Variants in MAGEE2 observed in about 807,000 individuals in gnomAD.
The protein encoded by MAGEE2 is melanoma-associated antigen E2.
For missense variants in MAGEE2, 508 were observed against 391.1 expected, an observed-to-expected ratio of 1.30 and a Z score of -2.52; for synonymous variants, 189 against 155.4, an observed-to-expected ratio of 1.22 and a Z score of -1.61.
rs139464739 is a variant in MAGEE2 at position 75,784,933 on chromosome X, A to G, written c.119T>C (p.Val40Ala). 68 of 1,163,104 alleles carry G rather than the reference A, an allele frequency of 5.8e-5. No homozygotes were observed. The African/African-American group carries it at 1.1e-3, about 19-fold the overall frequency. Residue 40 changes from valine to alanine, a missense_variant, in exon 1 of 1, where the codon GTC becomes GCC. Physicochemically the swap from Val to Ala is moderately conservative, Grantham distance 64 (BLOSUM62 0). Transcript: ENST00000373359. ...NASGSPTSML[V>A]VDAPQCPQAP... ...CTGAGGGCACTGGGGGGCATCAACG[A>G]CTAGCATGGAGGTGGGGGACCCGGA...
In MAGEE2 at chrX:75,783,321, G is replaced by A; in HGVS notation, c.*159C>T. ...AACCTAATCCAAGAGTATATTAAAAGGAAGGAAATACTACTAGAATTGGAA... is the reference window on the plus strand; with the variant it reads ...AACCTAATCCAAGAGTATATTAAAAAGAAGGAAATACTACTAGAATTGGAA... On this transcript the variant is annotated 3_prime_UTR_variant, in exon 1 of 1. Transcript: ENST00000373359. 5.6e-6 allele frequency: 3 copies of A among 536,708 alleles called. No individual in the cohort carries two copies. The highest frequency in any genetic ancestry group is 5.1e-5 in the South Asian group (1 of 19,486). 44.2% of individuals were successfully genotyped at this position (536,708 alleles called of 1,213,427 possible). A position where few individuals can be genotyped will look rare whatever the true frequency, so the allele number is the denominator to read the frequency against.
chrX:75,784,714 T>C lies in MAGEE2; in HGVS notation c.338A>G (p.Glu113Gly). The C allele has an allele frequency of 8.3e-7, 1 of 1,211,279 alleles. No homozygotes were observed. The highest frequency in any genetic ancestry group is 1.1e-6 in the Non-Finnish European group (1 of 895,224). Residue 113 changes from glutamate (E) to glycine (G), a missense_variant, in exon 1 of 1, where the codon GAG becomes GGG. Glu to Gly is a moderately conservative substitution (Grantham distance 98). Transcript: ENST00000373359. ...GTACTCTCTGAGAAACTCCAGCATC[T>C]CGGACTGCTGGATAGACCCCTCCGT... ...SQTEGSIQQS[E>G]MLEFLREYSD... is the part of the protein sequence containing the mutation.
rs191965351 is a variant in MAGEE2, at chrX:75,783,569, A to G, written c.1483T>C (p.Trp495Arg). Residue 495 changes from tryptophan to arginine, a missense_variant, in exon 1 of 1, where the codon TGG becomes CGG. Trp to Arg is a moderately radical substitution (Grantham distance 101). Coordinates refer to ENST00000373359, the MANE Select transcript of MAGEE2 (RefSeq NM_138703.5). ...ARLYRKRPQN[W>R]PEQYREAVED... ...ACAGCCTCCCTATATTGTTCTGGCC[A>G]GTTCTGTGGTCGCTTTCTGTAGAGC... The G allele has an allele frequency of 5.0e-6, 6 of 1,209,738 alleles. No homozygotes were observed. In the East Asian group the frequency reaches 1.8e-4, roughly 36 times the overall value.
Position 75,785,109 on chromosome X carries a change from G to A in MAGEE2, c.-58C>T, listed in dbSNP as rs1331231153. ...TCAGCGATCAGTCGGAGAGAGGACCGCAGCAGTGTTGGTGCCTCGGCACAA... is the reference window on the plus strand; with the variant it reads ...TCAGCGATCAGTCGGAGAGAGGACCACAGCAGTGTTGGTGCCTCGGCACAA... On this transcript the variant is annotated 5_prime_UTR_variant, in exon 1 of 1. Coordinates refer to ENST00000373359, the MANE Select transcript of MAGEE2 (RefSeq NM_138703.5). 15 of 1,068,835 alleles carry A rather than the reference G, an allele frequency of 1.4e-5. No individual in the cohort carries two copies. In the East Asian group the frequency reaches 2.5e-4, roughly 18 times the overall value. The allele number at this position is 1,068,835 out of a possible 1,213,427, so 88.1% of individuals were successfully genotyped here. A position where few individuals can be genotyped will look rare whatever the true frequency, so the allele number is the denominator to read the frequency against.
Position 75,783,718 on chromosome X carries a change from A to G in MAGEE2, c.1334T>C (p.Met445Thr). Residue 445 changes from methionine to threonine, a missense_variant, in exon 1 of 1, where the codon ATG becomes ACG. Transcript: ENST00000373359. ...CCTGCATTCCAGATAGCGCTGTCTC[A>G]TAAGCTTACGGGTGATGGAATGCTT... ...GRKHSITRKL[M>T]RQRYLECRPL... is the part of the protein sequence containing the mutation. The G allele has an allele frequency of 2.5e-6, 3 of 1,212,001 alleles. No homozygotes were observed. The highest frequency in any genetic ancestry group is 3.3e-6 in the Non-Finnish European group (3 of 895,608).
rs561857390 is a variant in MAGEE2 at position 75,783,529 on chromosome X, G to A, written c.1523C>T (p.Ala508Val). 181 of 1,208,326 alleles carry A rather than the reference G, an allele frequency of 1.5e-4. No individual in the cohort carries two copies. The South Asian group carries it at 2.9e-3, about 19-fold the overall frequency. ...QYREAVEDEE[A>V]RAKSEATIMF... ...GATAGTTGCCTCAGATTTGGCTCTGGCCTCCTCATCTTCCACAGCCTCCCT... is the reference window on the plus strand; with the variant it reads ...GATAGTTGCCTCAGATTTGGCTCTGACCTCCTCATCTTCCACAGCCTCCCT... Residue 508 changes from alanine (A) to valine (V), a missense_variant, in exon 1 of 1, where the codon GCC becomes GTC. Physicochemically the swap from Ala to Val is moderately conservative, Grantham distance 64. Coordinates refer to ENST00000373359, the MANE Select transcript of MAGEE2 (RefSeq NM_138703.5).
chrX:75,783,387 T>A lies in MAGEE2; in HGVS notation c.*93A>T. On this transcript the variant is annotated 3_prime_UTR_variant, in exon 1 of 1. Transcript: ENST00000373359. ...CAATTTGTACTTCCCACACAAGCCCTACCTGGATTCTAATTTAGAGCCCCA... is the reference window on the plus strand; with the variant it reads ...CAATTTGTACTTCCCACACAAGCCCAACCTGGATTCTAATTTAGAGCCCCA... 1 of 1,023,738 alleles carries A rather than the reference T, an allele frequency of 9.8e-7. No individual in the cohort carries two copies. Among genetic ancestry groups the A allele is most frequent in the South Asian group, 2.5e-5 (1 of 40,367 alleles). The allele number at this position is 1,023,738 out of a possible 1,213,427, so 84.4% of individuals were successfully genotyped here. A position where few individuals can be genotyped will look rare whatever the true frequency, so the allele number is the denominator to read the frequency against.
rs2087859953 is a variant in MAGEE2, at chrX:75,783,369, T to C, written c.*111A>G. The C allele has an allele frequency of 1.1e-6, 1 of 890,069 alleles. No individual in the cohort carries two copies. The highest frequency in any genetic ancestry group is 2.0e-5 in the African/African-American group (1 of 49,876). 73.4% of individuals were successfully genotyped at this position (890,069 alleles called of 1,213,427 possible). ...GAACACAGACAGCAAGCACAATTTG[T>C]ACTTCCCACACAAGCCCTACCTGGA... On this transcript the variant is annotated 3_prime_UTR_variant, in exon 1 of 1. Coordinates refer to ENST00000373359, the MANE Select transcript of MAGEE2 (RefSeq NM_138703.5).
rs1302578063 is a variant in MAGEE2, at chrX:75,784,189, G to A, written c.863C>T (p.Ala288Val). ...PWSWPEEYNK[A>V]LEGDKTKERS... ...TTCTTTGGTTTTGTCACCTTCCAGG[G>A]CCTTATTATATTCTTCTGGCCAGCT... is the stretch of plus-strand genomic sequence containing the variant. Residue 288 changes from alanine to valine, a missense_variant, in exon 1 of 1, where the codon GCC (alanine) becomes GTC (valine). By Grantham distance (64) the Ala-to-Val change is moderately conservative. Coordinates refer to ENST00000373359, the MANE Select transcript of MAGEE2 (RefSeq NM_138703.5). The A allele has an allele frequency of 8.3e-7, 1 of 1,209,700 alleles. No homozygotes were observed. Among genetic ancestry groups the A allele is most frequent in the East Asian group, 3.0e-5 (1 of 33,745 alleles).
rs199885644 is a variant in MAGEE2, at chrX:75,784,120, A to G, written c.932T>C (p.Met311Thr). The stretch of plus-strand genomic sequence containing the variant: ...GACCAAATCATTTGCCTTATCATTC[A>G]TAGTGTCCTCCGACCAGAACTCTAA... Reference protein sequence around the residue: ...AGLEFWSEDTMNDKANDLVQL... With the variant: ...AGLEFWSEDTTNDKANDLVQL... Residue 311 changes from methionine to threonine, a missense_variant, in exon 1 of 1, where the codon ATG becomes ACG. Physicochemically the swap from Met to Thr is moderately conservative, Grantham distance 81. Coordinates refer to ENST00000373359, the MANE Select transcript of MAGEE2 (RefSeq NM_138703.5). 30 of 1,210,157 alleles carry G rather than the reference A, an allele frequency of 2.5e-5. No individual in the cohort carries two copies. In the East Asian group the frequency reaches 8.3e-4, roughly 33 times the overall value.
chrX:75,785,242 G>A lies in MAGEE2; in HGVS notation c.-191C>T. On this transcript the variant is annotated 5_prime_UTR_variant, in exon 1 of 1. It adds an upstream start codon to the 5' untranslated region. Transcript: ENST00000373359. ...CAGCAACGACTGCAAGCCTCAGAGC[G>A]TTATTTTGCCGCAGCCTACGCAGGC... The A allele has an allele frequency of 2.4e-6, 1 of 421,651 alleles. No homozygotes were observed. Among genetic ancestry groups the A allele is most frequent in the African/African-American group, 2.5e-5 (1 of 39,950 alleles). The allele number at this position is 421,651 out of a possible 1,213,427, so 34.7% of individuals were successfully genotyped here.
Position 75,784,302 on chromosome X carries a change from C to T in MAGEE2, c.750G>A (p.Glu250=), listed in dbSNP as rs1333050071. The change falls in exon 1 of 1, where the codon GAG becomes GAA. Residue 250 remains glutamate (E), a synonymous_variant. Coordinates refer to ENST00000373359, the MANE Select transcript of MAGEE2 (RefSeq NM_138703.5). ...TGTGGGCTCTAGAGCCCCACAAGAA[C>T]TCAAACTCAAGGGGATTAGTGCCAT... ...PVYGTNPLEF[E]FLWGSRAHRE... is the part of the protein sequence containing the mutation. 1 of 1,211,785 alleles carries T rather than the reference C, an allele frequency of 8.3e-7. No homozygotes were observed. Among genetic ancestry groups the T allele is most frequent in the East Asian group, 3.0e-5 (1 of 33,814 alleles).
rs140818152 is a variant in MAGEE2 at position 75,783,483 on chromosome X, C to T, written c.1569G>A (p.Thr523=). Residue 523 remains threonine (T), a synonymous_variant, in exon 1 of 1, where the codon ACG becomes ACA. Coordinates refer to ENST00000373359, the MANE Select transcript of MAGEE2 (RefSeq NM_138703.5). The part of the protein sequence containing the change: ...EATIMFFLDP[T] ...AGTGATACATATTCCCTAGACTTCA[C>T]GTGGGGTCAAGGAAAAACATGATAG... 10 of 1,202,645 alleles carry T rather than the reference C, an allele frequency of 8.3e-6. No individual in the cohort carries two copies. Among genetic ancestry groups the T allele is most frequent in the South Asian group, 3.6e-5 (2 of 55,963 alleles).
At position 75,783,679 on chromosome X, in the gene MAGEE2, G is replaced by C. The variant is rs1453725384; in HGVS notation, c.1373C>G (p.Ser458Cys). Residue 458 changes from serine to cysteine, a missense_variant, in exon 1 of 1, where the codon TCT becomes TGT. Coordinates refer to ENST00000373359, the MANE Select transcript of MAGEE2 (RefSeq NM_138703.5). ...RYLECRPLSYSNPVEYELLWG... is the reference protein window; with the variant it reads ...RYLECRPLSYCNPVEYELLWG... ...TAGAAGCTCATATTCAACTGGATTA[G>C]AGTAGGACAGTGGCCTGCATTCCAG... The C allele has an allele frequency of 8.3e-7, 1 of 1,209,866 alleles. No homozygotes were observed. The highest frequency in any genetic ancestry group is 1.1e-6 in the Non-Finnish European group (1 of 895,198).
rs2087882028 is a variant in MAGEE2, at chrX:75,785,127, C to T, written c.-76G>A. ...GAGGACCGCAGCAGTGTTGGTGCCTCGGCACAAAGCTGAAGCCCGAGACCC... is the reference window on the plus strand; with the variant it reads ...GAGGACCGCAGCAGTGTTGGTGCCTTGGCACAAAGCTGAAGCCCGAGACCC... On this transcript the variant is annotated 5_prime_UTR_variant, in exon 1 of 1. Coordinates refer to ENST00000373359, the MANE Select transcript of MAGEE2 (RefSeq NM_138703.5). 10 of 1,014,598 alleles carry T rather than the reference C, an allele frequency of 9.9e-6. No individual in the cohort carries two copies. The highest frequency in any genetic ancestry group is 6.7e-4 in the Middle Eastern group (2 of 2,975). The allele number at this position is 1,014,598 out of a possible 1,213,427, so 83.6% of individuals were successfully genotyped here.
Position 75,784,864 on chromosome X carries a change from T to C in MAGEE2, c.188A>G (p.Gln63Arg). ...SQCVNTSQAV[Q>R]DPNDLEVLID... ...CAGGACCTCCAGGTCATTCGGGTCC[T>C]GAACGGCCTGGGAAGTGTTGACACA... is the stretch of plus-strand genomic sequence containing the variant. Residue 63 changes from glutamine to arginine, a missense_variant, in exon 1 of 1, where the codon CAG (glutamine) becomes CGG (arginine). Gln to Arg is a conservative substitution (Grantham distance 43). Transcript: ENST00000373359. The C allele has an allele frequency of 8.3e-7, 1 of 1,206,555 alleles. No homozygotes were observed. The highest frequency in any genetic ancestry group is 1.8e-5 in the South Asian group (1 of 56,276).
chrX:75,784,696 CTG>C lies in MAGEE2; in HGVS notation c.354_355del (p.Glu120ValfsTer7). Reference sequence around the variant, plus strand: ...CTCAGGGAACTGATCTGAGTACTCTCTGAGAAACTCCAGCATCTCGGACTGCT... The same window carrying C: ...CTCAGGGAACTGATCTGAGTACTCTCAGAAACTCCAGCATCTCGGACTGCT... On this transcript the variant is annotated frameshift_variant, in exon 1 of 1. Transcript: ENST00000373359. LOFTEE classifies it low-confidence loss of function (END_TRUNC). 1 of 1,211,653 alleles carries C rather than the reference CTG, an allele frequency of 8.3e-7. No homozygotes were observed. The highest frequency in any genetic ancestry group is 1.1e-6 in the Non-Finnish European group (1 of 895,468).
chrX:75,783,926 G>A lies in MAGEE2; in HGVS notation c.1126C>T (p.His376Tyr). The A allele has an allele frequency of 1.7e-6, 2 of 1,211,165 alleles. No homozygotes were observed. The highest frequency in any genetic ancestry group is 2.2e-6 in the Non-Finnish European group (2 of 895,152). The change falls in exon 1 of 1, where the codon CAC (histidine) becomes TAC (tyrosine). Residue 376 changes from histidine (H) to tyrosine (Y), a missense_variant. His to Tyr is a moderately conservative substitution (Grantham distance 83). Coordinates refer to ENST00000373359, the MANE Select transcript of MAGEE2 (RefSeq NM_138703.5). ...GGTTGCTGGACAAGGAGGTAGATGTGCTCACTGGTATCAACCTCAATCAGA... is the reference window on the plus strand; with the variant it reads ...GGTTGCTGGACAAGGAGGTAGATGTACTCACTGGTATCAACCTCAATCAGA... ...LSLIEVDTSE[H>Y]IYLLVQQPES...
rs373571440 is a variant in MAGEE2 at position 75,784,706 on chromosome X, C to T, written c.346G>A (p.Glu116Lys). 4.1e-6 allele frequency: 5 copies of T among 1,209,713 alleles called. No individual in the cohort carries two copies. In the African/African-American group the frequency reaches 8.8e-5, roughly 21 times the overall value. ...EGSIQQSEML[E>K]FLREYSDQFP... ...TGATCTGAGTACTCTCTGAGAAACT[C>T]CAGCATCTCGGACTGCTGGATAGAC... The change falls in exon 1 of 1, where the codon GAG (glutamate) becomes AAG (lysine). Residue 116 changes from glutamate (E) to lysine (K), a missense_variant. Glu to Lys is a moderately conservative substitution (Grantham distance 56). Transcript: ENST00000373359.
Sources: allele counts gnomAD v4.1 joint callset, GRCh38; gene constraint gnomAD v4.1.1; transcripts MANE v1.5; gene names NCBI Gene and HGNC (gene_info 2026-07-23, HGNC 2026-07-21).